Variants in BCL11B observed in about 807,000 individuals in gnomAD.
BCL11B encodes the protein BCL11 transcription factor B, also known as B-cell lymphoma/leukemia 11B.
A neutral mutation model predicts 49.9 loss-of-function variants in BCL11B; 8 were observed. The ratio of observed to expected loss-of-function variants is 0.16; its 90% CI spans 0.09 to 0.29. The LOEUF is 0.29. BCL11B is among the 10% of genes least tolerant of loss of function. The probability of loss-of-function intolerance (pLI) is 1.00; values close to 1 mark genes in which losing one functional copy is unlikely to be tolerated. For missense variants in BCL11B, 1,006 were observed against 1,351.0 expected (o/e 0.74, Z 4.00); for synonymous variants, 739 against 637.4 (o/e 1.16, Z -2.40).
Position 99,228,430 on chromosome 14 carries a change from C to T in BCL11B, c.640+2915G>A, listed in dbSNP as rs1005739372. ...CTGGTGAGGGCCAATGAACTGGGAC[C>T]GAATGAAAAAAGAGAACTGTACCAG... On this transcript the variant is annotated intron_variant, in intron 3 of 3. Coordinates refer to ENST00000357195, the MANE Select transcript of BCL11B (RefSeq NM_138576.4). The surrounding 1 kb of genome is among the most constrained non-coding windows in gnomAD (Gnocchi z 4.8). 7.2e-5 allele frequency among the ~76,000 whole-genome samples: 11 copies of T among 152,110 alleles called. No individual in the cohort carries two copies. Among genetic ancestry groups the T allele is most frequent in the African/African-American group, 2.4e-4 (10 of 41,496 alleles).
intron 3 of BCL11B, among the ~76,000 whole-genome samples, chr14:99,214,948 T>TTCC (rs1887789786): frequency 6.6e-6 from 1 of 152,126 alleles, no homozygotes; most frequent in African/African-American, 2.4e-5. Context: ...TCATCAAGCA[T>TTCC]GCAGGGGTGG....
Position 99,176,017 on chromosome 14 carries a change from G to T in BCL11B, c.819C>A (p.Ala273=). Reference sequence around the variant, plus strand: ...AATTCATGAGCGGGGACTGCGCCACGGCCTCCGGCCCGAGCGGCGGCGGGA... The same window carrying T: ...AATTCATGAGCGGGGACTGCGCCACTGCCTCCGGCCCGAGCGGCGGCGGGA... ...LTIPPPLGPE[A]VAQSPLMNFL... The change falls in exon 4 of 4, where the codon GCC becomes GCA. Residue 273 remains alanine, a synonymous_variant. Transcript: ENST00000357195. 6.4e-7 allele frequency: 1 copy of T among 1,563,462 alleles called. No individual in the cohort carries two copies. The highest frequency in any genetic ancestry group is 8.7e-7 in the Non-Finnish European group (1 of 1,155,584).
intron 2 of BCL11B, among the ~76,000 whole-genome samples, chr14:99,244,481 G>A (rs573007395): frequency 2.8e-4 from 42 of 152,294 alleles, no homozygotes; most frequent in African/African-American, 9.9e-4. Flanking sequence ...CTGCCAGTTC[G>A]TTTTGGACCA....
intron 2 of BCL11B, among the ~76,000 whole-genome samples, chr14:99,243,287 GC>G (rs1043079976): frequency 2.6e-5 from 4 of 151,894 alleles, no homozygotes; most frequent in Non-Finnish European, 4.4e-5. Flanking sequence ...AAAACCAAGT[GC>G]CCCCCTCCCC....
At position 99,244,769 on chromosome 14, in the gene BCL11B, T is replaced by C. The variant is rs1321600753; in HGVS notation, c.427+12702A>G. Among the ~76,000 whole-genome samples, 5 of 152,222 alleles carry C rather than the reference T, an allele frequency of 3.3e-5. 1 individual carries two copies. Among genetic ancestry groups the C allele is most frequent in the Admixed American group, 1.3e-4 (2 of 15,286 alleles). Reference sequence around the variant, plus strand: ...GCTCAAAGTTCGGGTTAGCTAAATCTGAGATTTTAAAATCAACTCTTACTC... The same window carrying C: ...GCTCAAAGTTCGGGTTAGCTAAATCCGAGATTTTAAAATCAACTCTTACTC... On this transcript the variant is annotated intron_variant, in intron 2 of 3. Transcript: ENST00000357195.
rs913906962 is a variant in BCL11B, at chr14:99,205,510, G to A, written c.640+25835C>T. On this transcript the variant is annotated intron_variant, in intron 3 of 3. Transcript: ENST00000357195. This position sits in a 1 kb window ranked among gnomAD's most constrained non-coding sequence, Gnocchi z 5.0. ...ACCAGCATGCCAGGAAAGGGGAGGA[G>A]CGACGTGAGGACCTCCTGTGTCACC... Among the ~76,000 whole-genome samples the A allele has an allele frequency of 1.3e-5, 2 of 152,174 alleles. No homozygotes were observed. Among genetic ancestry groups the A allele is most frequent in the Non-Finnish European group, 2.9e-5 (2 of 68,036 alleles).
chr14:99,216,556 G>A (rs1226139875), intron 3 of BCL11B, among the ~76,000 whole-genome samples: 4 of 152,246 alleles, frequency 2.6e-5, no homozygotes, highest in Admixed American at 1.3e-4. Context: ...GATTGGGGGC[G>A]GGGGCTCAGT....
Position 99,184,201 on chromosome 14 carries a change from C to T in BCL11B, c.641-8006G>A, listed in dbSNP as rs1347324641. Among the ~76,000 whole-genome samples, 1 of 152,210 alleles carries T rather than the reference C, an allele frequency of 6.6e-6. No homozygotes were observed. Among genetic ancestry groups the T allele is most frequent in the East Asian group, 1.9e-4 (1 of 5,190 alleles). On this transcript the variant is annotated intron_variant, in intron 3 of 3. Transcript: ENST00000357195. The surrounding 1 kb of genome is among the most constrained non-coding windows in gnomAD (Gnocchi z 6.1). ...TGCCTCCCTTTGGGCAGCGCATTTT[C>T]ACACCTCCATGCCCTTGCTGGTGCC...
intron 3 of BCL11B, among the ~76,000 whole-genome samples, chr14:99,225,897 G>A (rs1212128755): frequency 1.3e-5 from 2 of 151,212 alleles, no homozygotes; most frequent in African/African-American, 4.9e-5. Context: ...CAACTGGGGG[G>A]CTTCCCCCAA....
intron 3 of BCL11B, among the ~76,000 whole-genome samples, chr14:99,181,260 T>C (rs1210331811): frequency 6.6e-6 from 1 of 152,168 alleles, no homozygotes; most frequent in African/African-American, 2.4e-5. Context: ...AAGAACTGGA[T>C]TCTGGCTTTA....
chr14:99,271,226 G>T lies in BCL11B; in HGVS notation c.-8C>A. ...CTGTTTGCGGCGGGACATTGCCCCG[G>T]CATCTATTCTGGCATCGCCCGGAGA... On this transcript the variant is annotated 5_prime_UTR_variant, in exon 1 of 4. Coordinates refer to ENST00000357195, the MANE Select transcript of BCL11B (RefSeq NM_138576.4). 1 of 1,522,026 alleles carries T rather than the reference G, an allele frequency of 6.6e-7. No homozygotes were observed. Among genetic ancestry groups the T allele is most frequent in the Non-Finnish European group, 8.8e-7 (1 of 1,139,606 alleles). The allele number at this position is 1,522,026 out of a possible 1,614,324, so 94.3% of individuals were successfully genotyped here.
At chr14:99,243,868 C>T (rs1888741120) in intron 2 of BCL11B, among the ~76,000 whole-genome samples, 1 of 140,288 alleles carries the variant, frequency 7.1e-6, no homozygotes, top group Admixed American at 7.5e-5. Context: ...TCAACATGAT[C>T]CAGCTGACAG....
chr14:99,246,565 C>G (rs1039201738), intron 2 of BCL11B, among the ~76,000 whole-genome samples: 3 of 152,314 alleles, frequency 2.0e-5, no homozygotes, highest in Admixed American at 2.0e-4. Flanking sequence ...TTTGAAGTTG[C>G]CAAAGTGTCC....
rs969171995 is a variant in BCL11B at position 99,194,488 on chromosome 14, T to G, written c.641-18293A>C. ...CCAGAACCCCATCCAGTGTTGCCCA[T>G]GCACCTTGAACAAAGGACTGAACAC... On this transcript the variant is annotated intron_variant, in intron 3 of 3. Coordinates refer to ENST00000357195, the MANE Select transcript of BCL11B (RefSeq NM_138576.4). The surrounding 1 kb of genome is among the most constrained non-coding windows in gnomAD (Gnocchi z 4.6). Among the ~76,000 whole-genome samples, 1 of 152,224 alleles carries G rather than the reference T, an allele frequency of 6.6e-6. No homozygotes were observed.
intron 1 of BCL11B, chr14:99,264,201 T>G (rs1015686862): frequency 6.6e-6 from 1 of 152,200 alleles, no homozygotes; most frequent in Non-Finnish European, 1.5e-5. Context: ...CTGGAGGAGT[T>G]TGGATTATCT....
chr14:99,220,067 A>G (rs1366429799), intron 3 of BCL11B, among the ~76,000 whole-genome samples: 1 of 152,202 alleles, frequency 6.6e-6, no homozygotes, highest in Non-Finnish European at 1.5e-5. Flanking sequence ...ATCAACTCCA[A>G]CAGTCCAAAA....
intron 3 of BCL11B, among the ~76,000 whole-genome samples, chr14:99,176,900 A>G (rs530055033): frequency 3.4e-4 from 52 of 152,072 alleles, no homozygotes; most frequent in Middle Eastern, 3.4e-3. Flanking sequence ...AACACAAATC[A>G]AACTGTACTA....
At chr14:99,261,407 C>T (rs796793076) in intron 1 of BCL11B, among the ~76,000 whole-genome samples, 4 of 152,278 alleles carry the variant, frequency 2.6e-5, no homozygotes, top group African/African-American at 9.6e-5. Context: ...AAGTGACACC[C>T]CTCTTTCTCT....
intron 2 of BCL11B, among the ~76,000 whole-genome samples, chr14:99,243,576 C>T (rs188667833): frequency 2.6e-5 from 4 of 152,220 alleles, no homozygotes; most frequent in African/African-American, 9.6e-5. Context: ...AACTGGTTTG[C>T]CCTGGGCTGT....
Sources: allele counts gnomAD v4.1 joint callset (sites outside exome capture counted in the v4.1 genomes callset), GRCh38; gene constraint gnomAD v4.1.1; non-coding constraint Gnocchi (gnomAD v3.1); transcripts MANE v1.5; gene names NCBI Gene and HGNC (gene_info 2026-07-23, HGNC 2026-07-21).